The following UPF2 variants were observed in gnomAD, a reference collection of about 807,000 sequenced individuals.
UPF2 encodes the protein regulator of nonsense transcripts 2.
A neutral mutation model predicts 141.4 loss-of-function variants in UPF2; 17 were observed. The observed-to-expected ratio is 0.12, with a 90% CI of 0.08 to 0.18. The LOEUF (loss-of-function observed/expected upper bound fraction) is 0.18, where lower values mean the gene tolerates loss of function less well. UPF2 is among the 10% of genes least tolerant of loss of function. The pLI is 1.00. For synonymous variants in UPF2, 540 were observed against 498.0 expected, an observed-to-expected ratio of 1.08 and a Z score of -1.12; for missense variants, 1,152 against 1,515.9, an observed-to-expected ratio of 0.76 and a Z score of 3.99.
chr10:11,942,992 T>C, intron 17 of UPF2, 72 bp downstream of exon 17: 1 of 1,179,320 alleles, frequency 8.5e-7, no homozygotes, highest in Non-Finnish European at 1.2e-6. Context: ...CAAATTCAGT[T>C]TCGTGACTAA....
At position 12,028,884 on chromosome 10, in the gene UPF2, A is replaced by G. The variant is rs757177635; in HGVS notation, c.1006T>C (p.Leu336=). ...KVKSAAEKFN[L]SFPPSEIISP... ...ATTATCTCACTAGGAGGAAAACTCA[A>G]ATTAAACTTCTCTGCAGCACTCTTT... Residue 336 remains leucine (L), a synonymous_variant, in exon 3 of 22, where the codon TTG becomes CTG. Transcript: ENST00000357604. 11 of 1,614,066 alleles carry G rather than the reference A, an allele frequency of 6.8e-6. No individual in the cohort carries two copies. The African/African-American group carries it at 9.3e-5, about 14-fold the overall frequency.
intron 12 of UPF2, among the ~76,000 whole-genome samples, chr10:11,958,529 T>A (rs1318483455): frequency 1.3e-5 from 2 of 152,242 alleles, no homozygotes; most frequent in African/African-American, 4.8e-5. Flanking sequence ...TTTTCAAACC[T>A]GCAACATCAT....
Position 11,940,302 on chromosome 10 carries a change from A to G in UPF2, c.3378+2363T>C, listed in dbSNP as rs1050232594. Among the ~76,000 whole-genome samples the G allele has an allele frequency of 8.5e-5, 13 of 152,192 alleles. No homozygotes were observed. Among genetic ancestry groups the G allele is most frequent in the Admixed American group, 4.6e-4 (7 of 15,278 alleles). On this transcript the variant is annotated intron_variant, in intron 18 of 21. Transcript: ENST00000357604. This position sits in a 1 kb window ranked among gnomAD's most constrained non-coding sequence, Gnocchi z 4.2. ...CAAAAACTTCTATTCCTTTGACTTCATCAGCTTTTCTACCTTATTTCTAAA... is the reference window on the plus strand; with the variant it reads ...CAAAAACTTCTATTCCTTTGACTTCGTCAGCTTTTCTACCTTATTTCTAAA...
intron 15 of UPF2, among the ~76,000 whole-genome samples, chr10:11,950,016 T>C (rs532348844): frequency 9.2e-5 from 14 of 152,144 alleles, no homozygotes; most frequent in Non-Finnish European, 1.8e-4. Context: ...AAAAATTTCA[T>C]AATGTATTAA....
intron 3 of UPF2, among the ~76,000 whole-genome samples, chr10:12,023,778 C>G (rs1588575632): frequency 6.6e-6 from 1 of 151,362 alleles, no homozygotes; most frequent in Non-Finnish European, 1.5e-5. Flanking sequence ...GTGGCTTGAG[C>G]TCAGGAGTTT....
intron 3 of UPF2, among the ~76,000 whole-genome samples, chr10:12,017,407 G>A (rs1265784567): frequency 6.6e-6 from 1 of 152,178 alleles, no homozygotes; most frequent in Non-Finnish European, 1.5e-5. Context: ...ACTACCTTAT[G>A]AAAACAAAAA....
chr10:12,023,965 G>A (rs1416575349), intron 3 of UPF2, among the ~76,000 whole-genome samples: 2 of 152,014 alleles, frequency 1.3e-5, no homozygotes, highest in African/African-American at 4.8e-5. Flanking sequence ...CTCCAGCCTG[G>A]GTGACAGAGT....
chr10:11,928,105 G>C (rs1313134578), intron 21 of UPF2, among the ~76,000 whole-genome samples: 2 of 152,200 alleles, frequency 1.3e-5, no homozygotes, highest in East Asian at 3.8e-4. Flanking sequence ...ATTAATTGAG[G>C]TGGGTGGACC....
intron 15 of UPF2, among the ~76,000 whole-genome samples, chr10:11,950,313 A>C (rs1833057009): frequency 6.6e-6 from 1 of 152,202 alleles, no homozygotes; most frequent in Non-Finnish European, 1.5e-5. Context: ...TGAAAACAAA[A>C]AACTACCAAA....
intron 5 of UPF2, among the ~76,000 whole-genome samples, chr10:12,004,148 CAA>C (rs554766809): frequency 1.2e-4 from 19 of 152,176 alleles, no homozygotes; most frequent in African/African-American, 4.1e-4. Context: ...CTCTTCTTCT[CAA>C]AGAGTTGGTT....
intron 4 of UPF2, among the ~76,000 whole-genome samples, chr10:12,006,517 C>T (rs1834038239): frequency 2.0e-5 from 3 of 152,072 alleles, no homozygotes; most frequent in Admixed American, 6.6e-5. Context: ...AAAACACTGG[C>T]TCCTCGAAAC....
chr10:12,032,236 G>T (rs937290109), intron 2 of UPF2, among the ~76,000 whole-genome samples: 14 of 151,642 alleles, frequency 9.2e-5, no homozygotes, highest in Non-Finnish European at 1.8e-4. Flanking sequence ...GGAGGTTACG[G>T]TGAGCCGAGA....
In UPF2 at chr10:12,029,142, C is replaced by T; in HGVS notation, c.748G>A (p.Ala250Thr). The change falls in exon 3 of 22, where the codon GCA (alanine) becomes ACA (threonine). Residue 250 changes from alanine to threonine, a missense_variant. Ala to Thr is a moderately conservative substitution (Grantham distance 58, BLOSUM62 0). Transcript: ENST00000357604. ...LLQVWKKHFE[A>T]RKEEKTPNIT... is the part of the protein sequence containing the mutation. ...TTAGGTGTTTTCTCCTCTTTCCTTG[C>T]TTCAAAATGTTTTTTCCAGACCTGA... is the stretch of plus-strand genomic sequence containing the variant. The T allele has an allele frequency of 6.2e-7, 1 of 1,614,198 alleles. No individual in the cohort carries two copies. The highest frequency in any genetic ancestry group is 1.1e-5 in the South Asian group (1 of 91,088).
intron 4 of UPF2, among the ~76,000 whole-genome samples, chr10:12,010,832 A>C (rs545361312): frequency 2.0e-5 from 3 of 148,380 alleles, no homozygotes; most frequent in African/African-American, 7.3e-5. Context: ...TAAAACAATG[A>C]GAGAAAAAAA....
Position 12,014,019 on chromosome 10 carries a change from C to T in UPF2, c.1306+5G>A. 2 of 1,540,910 alleles carry T rather than the reference C, an allele frequency of 1.3e-6. No individual in the cohort carries two copies. The highest frequency in any genetic ancestry group is 1.2e-5 in the South Asian group (1 of 80,366). On this transcript the variant is annotated splice_donor_5th_base_variant and intron_variant, in intron 4 of 21. Coordinates refer to ENST00000357604, the MANE Select transcript of UPF2 (RefSeq NM_015542.4). This position sits in a 1 kb window ranked among gnomAD's most constrained non-coding sequence, Gnocchi z 5.0. ...ACAATGTTTGTTTTTAAGGATATCTCTTACCTTCTGGTGTTGGTTTGTCTT... is the reference window on the plus strand; with the variant it reads ...ACAATGTTTGTTTTTAAGGATATCTTTTACCTTCTGGTGTTGGTTTGTCTT...
At chr10:11,987,820 A>AT (rs372706976) in intron 8 of UPF2, among the ~76,000 whole-genome samples, 14 of 143,172 alleles carry the variant, frequency 9.8e-5, no homozygotes, top group Middle Eastern at 3.6e-3. Flanking sequence ...GTGTTTTGAG[A>AT]TTTTTTTTCA....
rs952062031 is a variant in UPF2, at chr10:11,953,154, A to G, written c.2851-905T>C. On this transcript the variant is annotated intron_variant, in intron 14 of 21. Coordinates refer to ENST00000357604, the MANE Select transcript of UPF2 (RefSeq NM_015542.4). This position sits in a 1 kb window ranked among gnomAD's most constrained non-coding sequence, Gnocchi z 5.0. ...AATTCCTAAATTTACATTAACTGAA[A>G]GCACAACCCAAGAATTTACTAGTAT... is the stretch of plus-strand genomic sequence containing the variant. 3.3e-5 allele frequency among the ~76,000 whole-genome samples: 5 copies of G among 152,242 alleles called. No homozygotes were observed. The highest frequency in any genetic ancestry group is 5.9e-5 in the Non-Finnish European group (4 of 68,046).
At chr10:11,938,169 C>G (rs1832878031) in intron 18 of UPF2, among the ~76,000 whole-genome samples, 1 of 152,118 alleles carries the variant, frequency 6.6e-6, no homozygotes, top group Non-Finnish European at 1.5e-5. Context: ...CAAGCAACCA[C>G]AATGCATATT....
At position 11,997,683 on chromosome 10, in the gene UPF2, A is replaced by C. The variant is rs34582018; in HGVS notation, c.1833T>G (p.Val611=). 46 of 1,613,706 alleles carry C rather than the reference A, an allele frequency of 2.9e-5. No individual in the cohort carries two copies. Among genetic ancestry groups the C allele is most frequent in the Admixed American group, 2.0e-4 (12 of 59,992 alleles). The change falls in exon 8 of 22, where the codon GTT becomes GTG. Residue 611 remains valine, a synonymous_variant. Coordinates refer to ENST00000357604, the MANE Select transcript of UPF2 (RefSeq NM_015542.4). The part of the protein sequence containing the change: ...RKKLVRALFI[V]PRQRLDLLPF... ...TTCATAACACTTACCTTTGTCTAGG[A>C]ACTATGAAGAGTGCCCGTACCAACT...
Sources: allele counts gnomAD v4.1 joint callset (sites outside exome capture counted in the v4.1 genomes callset), GRCh38; gene constraint gnomAD v4.1.1; non-coding constraint Gnocchi (gnomAD v3.1); transcripts MANE v1.5; gene names NCBI Gene and HGNC (gene_info 2026-07-23, HGNC 2026-07-21).